KIF6: variants seen among roughly 807,000 people sequenced by gnomAD.
KIF6 encodes the protein kinesin family member 6.
Under a neutral mutation model 112.7 loss-of-function variants are expected in KIF6, and 106 were observed. The ratio of observed to expected loss-of-function variants is 0.94; its 90% CI spans 0.80 to 1.11. KIF6 has a LOEUF of 1.11. KIF6 is among the 50% of genes least tolerant of loss of function. The probability of loss-of-function intolerance (pLI) is 0.00; values close to 1 mark genes in which losing one functional copy is unlikely to be tolerated. For missense variants in KIF6, 929 were observed against 964.0 expected (o/e 0.96, Z 0.48); for synonymous variants, 339 against 339.9 (o/e 1.00, Z 0.03).
At chr6:39,434,283 G>T (rs1231855158) in intron 13 of KIF6, among the ~76,000 whole-genome samples, 2 of 152,066 alleles carry the variant, frequency 1.3e-5, no homozygotes, top group Non-Finnish European at 2.9e-5. Context: ...ATGAAAAATG[G>T]CAGGGCGCAA....
intron 19 of KIF6, among the ~76,000 whole-genome samples, chr6:39,353,095 G>A (rs1764382463): frequency 6.6e-6 from 1 of 152,092 alleles, no homozygotes; most frequent in African/African-American, 2.4e-5. Flanking sequence ...TTGCTGGATT[G>A]TATGGTAAGA....
rs1344516578 is a variant in KIF6, at chr6:39,362,488, A to G, written c.1892T>C (p.Met631Thr). The change falls in exon 17 of 23, where the codon ATG becomes ACG. Residue 631 changes from methionine (M) to threonine (T), a missense_variant. Met to Thr is a moderately conservative substitution (Grantham distance 81). Transcript: ENST00000287152. ...GISENMAVPL[M>T]PDQQEEKLRS... ...CAGCTTCTCCTCCTGCTGGTCTGGCATCAGAGGCACGGCCATGTTTTCCGA... is the reference window on the plus strand; with the variant it reads ...CAGCTTCTCCTCCTGCTGGTCTGGCGTCAGAGGCACGGCCATGTTTTCCGA... 2.5e-6 allele frequency: 4 copies of G among 1,614,018 alleles called. No homozygotes were observed. Among genetic ancestry groups the G allele is most frequent in the Non-Finnish European group, 3.4e-6 (4 of 1,179,982 alleles).
chr6:39,478,119 T>C (rs947061242), intron 13 of KIF6, among the ~76,000 whole-genome samples: 8 of 152,114 alleles, frequency 5.3e-5, no homozygotes, highest in Non-Finnish European at 8.8e-5. Flanking sequence ...CAGTGGTAAT[T>C]TGTGAGATTT....
At chr6:39,575,558 C>T (rs1214352444) in intron 10 of KIF6, among the ~76,000 whole-genome samples, 1 of 152,164 alleles carries the variant, frequency 6.6e-6, no homozygotes, top group African/African-American at 2.4e-5. Context: ...GCGTGAGCCA[C>T]CACGCCCGGC....
intron 15 of KIF6, among the ~76,000 whole-genome samples, chr6:39,403,406 ATAG>A (rs1643983498): frequency 1.3e-5 from 2 of 152,162 alleles, no homozygotes; most frequent in South Asian, 4.1e-4. Flanking sequence ...CTGGAATCAG[ATAG>A]TAGGAGGCTT....
chr6:39,365,445 T>C (rs2150270714), intron 16 of KIF6, among the ~76,000 whole-genome samples: 1 of 152,312 alleles, frequency 6.6e-6, no homozygotes, highest in Non-Finnish European at 1.5e-5. Flanking sequence ...ATTGGGGTCC[T>C]CCTGCTCTTA....
intron 13 of KIF6, among the ~76,000 whole-genome samples, chr6:39,500,648 T>C (rs1300847002): frequency 1.3e-5 from 2 of 152,144 alleles, no homozygotes; most frequent in Non-Finnish European, 2.9e-5. Flanking sequence ...TACTACTTCA[T>C]AGGGTTCTAT....
At chr6:39,538,123 A>T (rs1184678595) in intron 13 of KIF6, among the ~76,000 whole-genome samples, 1 of 152,106 alleles carries the variant, frequency 6.6e-6, no homozygotes, top group Non-Finnish European at 1.5e-5. Context: ...CCTAGAAGAA[A>T]ACCTAGGCAT....
chr6:39,346,931 G>T (rs1299579427), intron 19 of KIF6, among the ~76,000 whole-genome samples: 3 of 152,230 alleles, frequency 2.0e-5, no homozygotes, highest in Non-Finnish European at 4.4e-5. Context: ...TTACAGGCGT[G>T]AGCCACTGTG....
intron 3 of KIF6, among the ~76,000 whole-genome samples, chr6:39,660,003 A>G (rs1352684495): frequency 6.6e-6 from 1 of 152,144 alleles, no homozygotes; most frequent in African/African-American, 2.4e-5. Context: ...ATGTAGTATA[A>G]TATGTTTCAT....
intron 9 of KIF6, among the ~76,000 whole-genome samples, chr6:39,581,708 G>T (rs1392701049): frequency 6.6e-6 from 1 of 151,872 alleles, no homozygotes; most frequent in Non-Finnish European, 1.5e-5. Context: ...TTGGGGAAAA[G>T]AGAGGATGTC....
chr6:39,638,854 C>T (rs867329495), intron 4 of KIF6, among the ~76,000 whole-genome samples: 10 of 151,986 alleles, frequency 6.6e-5, no homozygotes, highest in African/African-American at 1.2e-4. Flanking sequence ...TGACTCATTA[C>T]GGGGAATTTG....
chr6:39,496,821 C>T (rs1276878654), intron 13 of KIF6, among the ~76,000 whole-genome samples: 1 of 152,190 alleles, frequency 6.6e-6, no homozygotes, highest in Non-Finnish European at 1.5e-5. Context: ...AGGAACTCAT[C>T]TTTATATTTT....
At chr6:39,601,564 T>C (rs754381993) in intron 6 of KIF6, among the ~76,000 whole-genome samples, 2 of 152,070 alleles carry the variant, frequency 1.3e-5, no homozygotes, top group Admixed American at 6.6e-5. Context: ...ATTTCAAAAG[T>C]AGCCTAACCA....
At chr6:39,519,847 C>A (rs1777286248) in intron 13 of KIF6, among the ~76,000 whole-genome samples, 1 of 151,992 alleles carries the variant, frequency 6.6e-6, no homozygotes, top group Non-Finnish European at 1.5e-5. Flanking sequence ...CAGGGTGAAA[C>A]CCCATCTCTA....
At chr6:39,364,142 A>G (rs530024592) in intron 16 of KIF6, among the ~76,000 whole-genome samples, 3 of 151,292 alleles carry the variant, frequency 2.0e-5, no homozygotes, top group South Asian at 4.2e-4. Flanking sequence ...ACCAGGCTAG[A>G]GTGCAGCAGC....
chr6:39,406,543 G>C (rs1234808372), intron 15 of KIF6, among the ~76,000 whole-genome samples: 1 of 152,124 alleles, frequency 6.6e-6, no homozygotes, highest in Non-Finnish European at 1.5e-5. Flanking sequence ...TCTTAAGATG[G>C]AAGCTAAGCT....
At chr6:39,658,028 C>T (rs1278733468) in intron 3 of KIF6, among the ~76,000 whole-genome samples, 1 of 152,112 alleles carries the variant, frequency 6.6e-6, no homozygotes, top group Non-Finnish European at 1.5e-5. Context: ...CACAAAATTC[C>T]ATTAGTACAA....
rs138240486 is a variant in KIF6 at position 39,546,437 on chromosome 6, T to C, written c.1182-749A>G. On this transcript the variant is annotated intron_variant, in intron 10 of 22. Transcript: ENST00000287152. ...CTCTCTATACTGACTCCTTCCTCTT[T>C]GCTTACAATCATGTTGTTTTTCCTA... Among the ~76,000 whole-genome samples, 664 of 152,320 alleles carry C rather than the reference T, an allele frequency of 4.4e-3. 3 individuals carry two copies. Among genetic ancestry groups the C allele is most frequent in the African/African-American group, 0.014 (583 of 41,578 alleles).
Sources: allele counts gnomAD v4.1 joint callset (sites outside exome capture counted in the v4.1 genomes callset), GRCh38; gene constraint gnomAD v4.1.1; transcripts MANE v1.5; gene names NCBI Gene and HGNC (gene_info 2026-07-23, HGNC 2026-07-21).